ASB2: variants seen among roughly 807,000 people sequenced by gnomAD.
The protein encoded by ASB2 is ankyrin repeat and SOCS box protein 2.
A neutral mutation model predicts 62.4 loss-of-function variants in ASB2; 58 were observed. The ratio of observed to expected loss-of-function variants is 0.93; its 90% CI spans 0.75 to 1.16. The LOEUF (loss-of-function observed/expected upper bound fraction) is 1.16. Ranked by LOEUF, ASB2 falls within the 50% of genes most tolerant of loss-of-function variation. The pLI, the probability that ASB2 is intolerant of heterozygous loss-of-function variation, is 0.00. For synonymous variants in ASB2, 386 were observed against 385.3 expected (o/e 1.00, Z -0.02); for missense variants, 928 against 887.9 (o/e 1.05, Z -0.57).
intron 7 of ASB2, among the ~76,000 whole-genome samples, chr14:93,946,619 G>A (rs1161586773): frequency 3.3e-5 from 5 of 152,286 alleles, no homozygotes; most frequent in South Asian, 2.1e-4. Context: ...CTCTAGCCCC[G>A]GCTCGTCTGT....
At chr14:93,967,385 G>A (rs1314267323) in intron 1 of ASB2, among the ~76,000 whole-genome samples, 1 of 152,334 alleles carries the variant, frequency 6.6e-6, no homozygotes, top group East Asian at 1.9e-4. Context: ...CCACCGCCTG[G>A]TGCAAGGTAG....
Position 93,958,742 on chromosome 14 carries a change from C to A in ASB2, c.207-1872G>T, listed in dbSNP as rs145386513. Among the ~76,000 whole-genome samples, 271 of 152,302 alleles carry A rather than the reference C, an allele frequency of 1.8e-3. 3 individuals carry two copies. Among genetic ancestry groups the A allele is most frequent in the African/African-American group, 6.3e-3 (263 of 41,578 alleles). ...CAGGTGGAGGCAGCCTGGGGCCAGGCTCACCTCAGCTGTCTCCAGCCCTGT... is the reference window on the plus strand; with the variant it reads ...CAGGTGGAGGCAGCCTGGGGCCAGGATCACCTCAGCTGTCTCCAGCCCTGT... On this transcript the variant is annotated intron_variant, in intron 2 of 9. Coordinates refer to ENST00000555019, the MANE Select transcript of ASB2 (RefSeq NM_001202429.2).
At chr14:93,973,222 C>T (rs558691936) in intron 1 of ASB2, among the ~76,000 whole-genome samples, 12 of 152,226 alleles carry the variant, frequency 7.9e-5, no homozygotes, top group Non-Finnish European at 1.8e-4. Flanking sequence ...CGCCAGCAGA[C>T]ACTCTGTGCC....
chr14:93,974,278 G>A (rs1351400479), intron 1 of ASB2, among the ~76,000 whole-genome samples: 2 of 151,872 alleles, frequency 1.3e-5, no homozygotes, highest in African/African-American at 4.8e-5. Context: ...CTTTATTTCA[G>A]CACCACCTCC....
rs1050780948 is a variant in ASB2 at position 93,964,636 on chromosome 14, T to G, written c.-73-24A>C. On this transcript the variant is annotated intron_variant, in intron 1 of 9. Coordinates refer to ENST00000555019, the MANE Select transcript of ASB2 (RefSeq NM_001202429.2). ...CCCTGTGAGGAAACCAAAACCATCCTGGTCACGAACAGTTTTGCAGGATAG... is the reference window on the plus strand; with the variant it reads ...CCCTGTGAGGAAACCAAAACCATCCGGGTCACGAACAGTTTTGCAGGATAG... The G allele has an allele frequency of 2.6e-6, 3 of 1,136,378 alleles. No homozygotes were observed. The African/African-American group carries it at 4.6e-5, about 17-fold the overall frequency. The allele number at this position is 1,136,378 out of a possible 1,614,324, so 70.4% of individuals were successfully genotyped here. A position where few individuals can be genotyped will look rare whatever the true frequency, so the allele number is the denominator to read the frequency against.
chr14:93,950,627 G>A (rs1888918502), intron 6 of ASB2, among the ~76,000 whole-genome samples: 1 of 152,204 alleles, frequency 6.6e-6, no homozygotes, highest in Admixed American at 6.5e-5. Flanking sequence ...GAGACCAAGA[G>A]TCTAGCTAGT....
intron 7 of ASB2, chr14:93,942,214 C>G (rs777911796): frequency 6.6e-6 from 3 of 455,988 alleles, no homozygotes; most frequent in East Asian, 1.4e-4. Context: ...GTTTTGGATT[C>G]TCAGAGTATA....
intron 1 of ASB2, among the ~76,000 whole-genome samples, chr14:93,974,932 T>G (rs547045483): frequency 6.6e-6 from 1 of 152,168 alleles, no homozygotes; most frequent in African/African-American, 2.4e-5. Flanking sequence ...CACAAGGCAC[T>G]CATGACCCGG....
chr14:93,964,501 GGTACA>G lies in ASB2; in HGVS notation c.34_38del (p.Cys12HisfsTer16), dbSNP rs1206260616. On this transcript the variant is annotated frameshift_variant, in exon 2 of 10. Transcript: ENST00000555019. LOFTEE classifies it high-confidence loss of function. ...ACAGGCTGTACTCCTCCTGCCCAAT[GGTACA>G]CTGGCTGCCCCGAGTGCTGATCTGC... is the stretch of plus-strand genomic sequence containing the variant. 4 of 1,535,930 alleles carry G rather than the reference GGTACA, an allele frequency of 2.6e-6. No homozygotes were observed. Among genetic ancestry groups the G allele is most frequent in the Non-Finnish European group, 3.5e-6 (4 of 1,146,904 alleles).
chr14:93,970,456 C>A (rs977812092), intron 1 of ASB2, among the ~76,000 whole-genome samples: 9 of 152,272 alleles, frequency 5.9e-5, no homozygotes, highest in Non-Finnish European at 1.3e-4. Context: ...GGCTGAGAGT[C>A]CTCTGCTGCC....
chr14:93,939,443 C>A lies in ASB2; in HGVS notation c.1282G>T (p.Glu428Ter). Residue 428 changes from glutamate to a stop codon, truncating the protein, a stop_gained, in exon 8 of 10, where the codon GAG (glutamate) becomes TAG (stop). Coordinates refer to ENST00000555019, the MANE Select transcript of ASB2 (RefSeq NM_001202429.2). LOFTEE classifies it high-confidence loss of function. ...AVVNNNVYATELLLQHGADPN... is the reference protein window; with the variant it reads ...AVVNNNVYAT Reference sequence around the variant, plus strand: ...TCGGCGCCGTGTTGCAGCAGCAGCTCGGTGGCGTACACGTTGTTGTTGACC... The same window carrying A: ...TCGGCGCCGTGTTGCAGCAGCAGCTAGGTGGCGTACACGTTGTTGTTGACC... The A allele has an allele frequency of 6.2e-7, 1 of 1,612,660 alleles. No individual in the cohort carries two copies. Among genetic ancestry groups the A allele is most frequent in the Non-Finnish European group, 8.5e-7 (1 of 1,179,810 alleles).
rs774828860 is a variant in ASB2 at position 93,951,020 on chromosome 14, A to G, written c.859T>C (p.Leu287=). Residue 287 remains leucine, a synonymous_variant, in exon 6 of 10, where the codon TTG becomes CTG. Coordinates refer to ENST00000555019, the MANE Select transcript of ASB2 (RefSeq NM_001202429.2). ...VAAQSGQLEA[L]RFLAKYGADI... is the part of the protein sequence containing the mutation. Reference sequence around the variant, plus strand: ...TCACCGTACTTGGCTAAGAACCTCAAGGCCTCCAACTGTCCACTCTGGGCG... The same window carrying G: ...TCACCGTACTTGGCTAAGAACCTCAGGGCCTCCAACTGTCCACTCTGGGCG... 1 of 1,613,932 alleles carries G rather than the reference A, an allele frequency of 6.2e-7. No homozygotes were observed. The highest frequency in any genetic ancestry group is 1.7e-5 in the Admixed American group (1 of 60,028).
At chr14:93,941,761 C>G in intron 7 of ASB2, 1 of 447,566 alleles carries the variant, frequency 2.2e-6, no homozygotes, top group East Asian at 7.0e-5. Flanking sequence ...CAGCTGGTCT[C>G]CGGCAGTTCT....
intron 2 of ASB2, 98 bp downstream of exon 2, chr14:93,964,236 A>G (rs1333759165): frequency 9.1e-7 from 1 of 1,098,046 alleles, no homozygotes; most frequent in Non-Finnish European, 1.3e-6. Context: ...CAACCTAGAG[A>G]CCAGGATACC....
At chr14:93,972,286 C>T (rs564843963) in intron 1 of ASB2, among the ~76,000 whole-genome samples, 1 of 152,150 alleles carries the variant, frequency 6.6e-6, no homozygotes, top group South Asian at 2.1e-4. Flanking sequence ...TTCTGATCTG[C>T]CTTTCCCCCC....
chr14:93,939,456 G>T lies in ASB2; in HGVS notation c.1269C>A (p.Asn423Lys). 1 of 1,612,438 alleles carries T rather than the reference G, an allele frequency of 6.2e-7. No individual in the cohort carries two copies. Among genetic ancestry groups the T allele is most frequent in the Non-Finnish European group, 8.5e-7 (1 of 1,179,754 alleles). ...GCAGCAGCAGCTCGGTGGCGTACAC[G>T]TTGTTGTTGACCACCGCGAAGTACA... is the stretch of plus-strand genomic sequence containing the variant. ...SALYFAVVNN[N>K]VYATELLLQH... is the part of the protein sequence containing the mutation. Residue 423 changes from asparagine to lysine, a missense_variant, in exon 8 of 10, where the codon AAC becomes AAA. Coordinates refer to ENST00000555019, the MANE Select transcript of ASB2 (RefSeq NM_001202429.2).
chr14:93,956,479 A>G (rs1051847220), intron 3 of ASB2, among the ~76,000 whole-genome samples: 3 of 151,976 alleles, frequency 2.0e-5, no homozygotes, highest in Non-Finnish European at 4.4e-5. Context: ...TCAGAGCCCC[A>G]TGGGGCTCCT....
At chr14:93,967,553 G>T (rs2144312) in intron 1 of ASB2, among the ~76,000 whole-genome samples, 57,630 of 152,150 alleles carry the variant, frequency 0.38, 11,400 homozygotes, top group East Asian at 0.44. Flanking sequence ...TAATTGCCCT[G>T]CTAAGGCCAA....
Position 93,946,423 on chromosome 14 carries a change from T to C in ASB2, c.1052+926A>G, listed in dbSNP as rs117908600. 5.6e-3 allele frequency among the ~76,000 whole-genome samples: 848 copies of C among 152,330 alleles called. 9 individuals carry two copies. The highest frequency in any genetic ancestry group is 9.4e-3 in the Non-Finnish European group (642 of 68,022). ...AGTGCTGCTGGGAATGCTTAAAAAC[T>C]GGCTCAAGCAAGGGCAGAGAAGGGG... On this transcript the variant is annotated intron_variant, in intron 7 of 9. Coordinates refer to ENST00000555019, the MANE Select transcript of ASB2 (RefSeq NM_001202429.2).
Sources: gnomAD v4.1 joint callset for allele counts (sites outside exome capture counted in the v4.1 genomes callset) on GRCh38, gnomAD v4.1.1 for gene constraint, MANE v1.5 for transcripts, NCBI Gene and HGNC (gene_info 2026-07-23, HGNC 2026-07-21) for gene names.